Variants in PCSK5 observed in about 807,000 individuals in gnomAD.
PCSK5 encodes prohormone convertase 5.
Under a neutral mutation model 233.2 loss-of-function variants are expected in PCSK5, and 129 were observed. That is an observed-to-expected ratio of 0.55 (90% CI 0.48 to 0.64). The LOEUF (loss-of-function observed/expected upper bound fraction) is 0.64. PCSK5 is among the 30% of genes least tolerant of loss of function. The probability of loss-of-function intolerance (pLI) is 0.00; values close to 1 mark genes in which losing one functional copy is unlikely to be tolerated. For synonymous variants in PCSK5, 825 were observed against 879.2 expected, an observed-to-expected ratio of 0.94 and a Z score of 1.09; for missense variants, 2,076 against 2,430.1, an observed-to-expected ratio of 0.85 and a Z score of 3.06.
chr9:76,186,324 C>T (rs550613369), intron 17 of PCSK5, among the ~76,000 whole-genome samples: 379 of 152,274 alleles, frequency 2.5e-3, no homozygotes, highest in African/African-American at 8.6e-3. Flanking sequence ...TTGTTCCAAA[C>T]GTACCCAAAT....
chr9:76,194,542 A>ATAAC (rs139826459), intron 20 of PCSK5: 20,461 of 200,332 alleles, frequency 0.1, 1,286 homozygotes, highest in East Asian at 0.21. Context: ...CTGTCCCTCT[A>ATAAC]TAACTATGCC....
chr9:75,974,313 T>C (rs1825925613), intron 2 of PCSK5, among the ~76,000 whole-genome samples: 1 of 152,168 alleles, frequency 6.6e-6, no homozygotes, highest in African/African-American at 2.4e-5. Flanking sequence ...CAGATTTTTA[T>C]GTGCTATGAC....
At chr9:76,142,206 T>C (rs1049206174) in intron 10 of PCSK5, among the ~76,000 whole-genome samples, 4 of 151,804 alleles carry the variant, frequency 2.6e-5, no homozygotes, top group African/African-American at 9.7e-5. Flanking sequence ...CTATCTAGTA[T>C]TCCACTGTAT....
chr9:76,214,434 T>A (rs947470828), intron 20 of PCSK5, among the ~76,000 whole-genome samples: 3 of 152,074 alleles, frequency 2.0e-5, no homozygotes, highest in African/African-American at 7.2e-5. Context: ...AAAAAGGGTA[T>A]GTATAGCAAA....
At chr9:76,323,469 C>T (rs564590422) in intron 32 of PCSK5, among the ~76,000 whole-genome samples, 181 bp downstream of exon 32, 80 of 152,240 alleles carry the variant, frequency 5.3e-4, no homozygotes, top group African/African-American at 1.7e-3. Flanking sequence ...CTGAAGCCTC[C>T]GCCTCCTGGG....
At chr9:75,914,809 G>A (rs1822911081) in intron 1 of PCSK5, among the ~76,000 whole-genome samples, 2 of 152,142 alleles carry the variant, frequency 1.3e-5, no homozygotes, top group African/African-American at 4.8e-5. Context: ...AGGAAAATTG[G>A]TCAAGGGAGT....
At chr9:75,989,232 A>C (rs1826659928) in intron 3 of PCSK5, among the ~76,000 whole-genome samples, 1 of 152,204 alleles carries the variant, frequency 6.6e-6, no homozygotes, top group African/African-American at 2.4e-5. Context: ...AAAAGTGTCT[A>C]GCTCTTATGT....
At chr9:76,125,600 GC>G (rs1360289938) in intron 9 of PCSK5, among the ~76,000 whole-genome samples, 3 of 152,176 alleles carry the variant, frequency 2.0e-5, no homozygotes, top group African/African-American at 7.2e-5. Context: ...TAGTATGTAT[GC>G]CTGGCACACA....
chr9:76,103,550 C>T (rs2131671566), intron 8 of PCSK5, among the ~76,000 whole-genome samples: 1 of 152,242 alleles, frequency 6.6e-6, no homozygotes, highest in East Asian at 1.9e-4. Context: ...ATGTGAAATA[C>T]TAGGACATAA....
At position 76,175,004 on chromosome 9, in the gene PCSK5, C is replaced by T; in HGVS notation, c.1775C>T (p.Ser592Phe). 1.9e-6 allele frequency: 3 copies of T among 1,609,620 alleles called. No individual in the cohort carries two copies. Among genetic ancestry groups the T allele is most frequent in the Non-Finnish European group, 2.5e-6 (3 of 1,178,418 alleles). Residue 592 changes from serine (S) to phenylalanine (F), a missense_variant, in exon 14 of 38, where the codon TCT (serine) becomes TTT (phenylalanine). Transcript: ENST00000674117. ...TCTCAAGGTAAATTGAAAGAATGGT[C>T]TTTGGTCCTCTACGGCACCTCCGTG... The part of the protein sequence containing the change: ...FKTPGKLKEW[S>F]LVLYGTSVQP...
intron 9 of PCSK5, among the ~76,000 whole-genome samples, chr9:76,130,800 A>T (rs1822734325): frequency 6.6e-6 from 1 of 152,116 alleles, no homozygotes; most frequent in African/African-American, 2.4e-5. Flanking sequence ...GCATTTGTTA[A>T]TTCCAGGAAG....
chr9:75,973,891 A>G (rs1349696058), intron 2 of PCSK5, among the ~76,000 whole-genome samples: 1 of 152,168 alleles, frequency 6.6e-6, no homozygotes, highest in Non-Finnish European at 1.5e-5. Context: ...AACTGGTGAT[A>G]GGTACCTTCC....
At chr9:76,341,348 T>C (rs549623372) in intron 35 of PCSK5, among the ~76,000 whole-genome samples, 4 of 152,254 alleles carry the variant, frequency 2.6e-5, no homozygotes, top group African/African-American at 9.6e-5. Flanking sequence ...TTTATGAGCA[T>C]CTTAAACATA....
rs1321432269 is a variant in PCSK5, at chr9:76,071,784, C to T, written c.780C>T (p.Phe260=). ...TDMVEAKSVS[F]NPQHVHIYSA... The stretch of plus-strand genomic sequence containing the variant: ...TGGTTGAAGCAAAATCAGTTAGCTT[C>T]AACCCCCAGCACGTGCACATTTACA... Residue 260 remains phenylalanine, a synonymous_variant, in exon 7 of 38, where the codon TTC becomes TTT. Transcript: ENST00000674117. The T allele has an allele frequency of 6.2e-7, 1 of 1,614,050 alleles. No homozygotes were observed. Among genetic ancestry groups the T allele is most frequent in the Non-Finnish European group, 8.5e-7 (1 of 1,180,032 alleles).
At chr9:76,178,975 C>T (rs887637421) in intron 14 of PCSK5, among the ~76,000 whole-genome samples, 1 of 151,968 alleles carries the variant, frequency 6.6e-6, no homozygotes, top group South Asian at 2.1e-4. Context: ...TTTAAGCTTG[C>T]TTGCGTTTTT....
chr9:75,926,286 A>G (rs550555973), intron 1 of PCSK5, among the ~76,000 whole-genome samples: 23 of 152,334 alleles, frequency 1.5e-4, no homozygotes, highest in African/African-American at 5.3e-4. Flanking sequence ...AGTCCTGTAT[A>G]TAGTTGGCTG....
In PCSK5 at chr9:76,359,823, C is replaced by T. The variant is rs1174775788; in HGVS notation, c.*901C>T. 6.6e-6 allele frequency: 1 copy of T among 152,098 alleles called. No individual in the cohort carries two copies. Among genetic ancestry groups the T allele is most frequent in the Non-Finnish European group, 1.5e-5 (1 of 68,022 alleles). The allele number at this position is 152,098 out of a possible 1,614,324, so 9.4% of individuals were successfully genotyped here. On this transcript the variant is annotated 3_prime_UTR_variant, in exon 38 of 38. Coordinates refer to ENST00000674117, the MANE Select transcript of PCSK5 (RefSeq NM_001372043.1). ...CTCTAAAAAATTCAGAGCTTTCCTT[C>T]ATCAACAACCCATCACAAAACCGTG...
intron 24 of PCSK5, among the ~76,000 whole-genome samples, chr9:76,256,261 G>T (rs560632187): frequency 6.6e-6 from 1 of 152,270 alleles, no homozygotes; most frequent in Non-Finnish European, 1.5e-5. Flanking sequence ...ATGCTATTAC[G>T]CTATTTCCCC....
rs1215583637 is a variant in PCSK5 at position 76,359,104 on chromosome 9, A to G, written c.*182A>G. On this transcript the variant is annotated 3_prime_UTR_variant, in exon 38 of 38. Coordinates refer to ENST00000674117, the MANE Select transcript of PCSK5 (RefSeq NM_001372043.1). ...ACTTTGTTCTTCTTTTGAGTGGCTA[A>G]ACTCAATTAACAGTTCCTGTTCAAC... 1.7e-6 allele frequency: 1 copy of G among 587,180 alleles called. No individual in the cohort carries two copies. The highest frequency in any genetic ancestry group is 3.0e-6 in the Non-Finnish European group (1 of 331,296). The allele number at this position is 587,180 out of a possible 1,614,324, so 36.4% of individuals were successfully genotyped here.
Sources: gnomAD v4.1 joint callset for allele counts (sites outside exome capture counted in the v4.1 genomes callset) on GRCh38, gnomAD v4.1.1 for gene constraint, MANE v1.5 for transcripts, NCBI Gene and HGNC (gene_info 2026-07-23, HGNC 2026-07-21) for gene names.